Variants in RABGAP1L observed in about 807,000 individuals in gnomAD.
RABGAP1L encodes rab GTPase-activating protein 1-like.
A neutral mutation model predicts 137.7 loss-of-function variants in RABGAP1L; 63 were observed. The ratio of observed to expected loss-of-function variants is 0.46; its 90% CI spans 0.37 to 0.56. The LOEUF (loss-of-function observed/expected upper bound fraction) is 0.56, where lower values mean the gene tolerates loss of function less well. Ranked by LOEUF, RABGAP1L falls within the 20% of genes least tolerant of loss-of-function variation. RABGAP1L has a pLI of 0.00. For synonymous variants in RABGAP1L, 431 were observed against 433.7 expected (o/e 0.99, Z 0.08); for missense variants, 1,095 against 1,244.0 (o/e 0.88, Z 1.80).
intron 10 of RABGAP1L, among the ~76,000 whole-genome samples, chr1:174,300,129 A>G (rs1677529952): frequency 6.6e-6 from 1 of 152,222 alleles, no homozygotes; most frequent in African/African-American, 2.4e-5. Flanking sequence ...TAACCTAAAG[A>G]AGACAGAACA....
At chr1:174,171,993 T>G (rs1665433142) in intron 1 of RABGAP1L, among the ~76,000 whole-genome samples, 1 of 152,058 alleles carries the variant, frequency 6.6e-6, no homozygotes, top group South Asian at 2.1e-4. Flanking sequence ...AGAGTGAGAC[T>G]CCATCTAAAT....
chr1:174,482,672 T>G (rs1463779984), intron 13 of RABGAP1L, among the ~76,000 whole-genome samples: 2 of 152,148 alleles, frequency 1.3e-5, no homozygotes, highest in Non-Finnish European at 2.9e-5. Context: ...AGATGGGGTT[T>G]CATCATGTTG....
intron 13 of RABGAP1L, among the ~76,000 whole-genome samples, chr1:174,493,978 G>T (rs553972845): frequency 6.6e-6 from 1 of 152,008 alleles, no homozygotes; most frequent in East Asian, 1.9e-4. Context: ...TTTGGCAGTT[G>T]CCATTTTTCA....
At chr1:174,309,404 G>T (rs1384000307) in intron 11 of RABGAP1L, among the ~76,000 whole-genome samples, 2 of 151,990 alleles carry the variant, frequency 1.3e-5, no homozygotes, top group Non-Finnish European at 2.9e-5. Flanking sequence ...AATAGAAGTG[G>T]CAAGAATAGG....
At chr1:174,175,880 C>A (rs1017876299) in intron 1 of RABGAP1L, among the ~76,000 whole-genome samples, 3 of 152,104 alleles carry the variant, frequency 2.0e-5, no homozygotes, top group Admixed American at 6.5e-5. Flanking sequence ...CCTCCTTGGC[C>A]TCTCAGAGTG....
intron 19 of RABGAP1L, among the ~76,000 whole-genome samples, chr1:174,817,092 A>G (rs2148874277): frequency 6.6e-6 from 1 of 152,212 alleles, no homozygotes; most frequent in African/African-American, 2.4e-5. Context: ...TGTTCCAAGT[A>G]CCATATTTAC....
chr1:174,759,585 A>G (rs1414473691), intron 18 of RABGAP1L, among the ~76,000 whole-genome samples: 1 of 147,932 alleles, frequency 6.8e-6, no homozygotes, highest in Non-Finnish European at 1.5e-5. Flanking sequence ...ACAGAGTGAG[A>G]CTCTGTCTCC....
In RABGAP1L at chr1:174,842,993, C is replaced by G. The variant is rs527304648; in HGVS notation, c.2340+31033C>G. On this transcript the variant is annotated intron_variant, in intron 19 of 25. Transcript: ENST00000681986. ...CTATTTGTTTGTCAAAGCAAAAATT[C>G]CCAACATTTTGTAAACACCACTAAT... 3.0e-4 allele frequency among the ~76,000 whole-genome samples: 45 copies of G among 152,190 alleles called. 1 individual carries two copies. In the South Asian group the frequency reaches 9.3e-3, roughly 32 times the overall value.
chr1:174,780,988 G>T (rs1192511445), intron 18 of RABGAP1L, among the ~76,000 whole-genome samples: 6 of 151,890 alleles, frequency 4.0e-5, no homozygotes, highest in African/African-American at 1.5e-4. Context: ...ATTTGGGTTG[G>T]TTCCAAGTCT....
chr1:174,699,798 C>T, intron 16 of RABGAP1L, 148 bp downstream of exon 16: 2 of 720,204 alleles, frequency 2.8e-6, no homozygotes, highest in Non-Finnish European at 4.4e-6. Context: ...CCAATATCTA[C>T]ATTGGTCTAT....
rs142631443 is a variant in RABGAP1L, at chr1:174,817,540, A to T, written c.2340+5580A>T. 1.7e-3 allele frequency among the ~76,000 whole-genome samples: 261 copies of T among 152,260 alleles called. 1 individual carries two copies. Among genetic ancestry groups the T allele is most frequent in the African/African-American group, 6.1e-3 (252 of 41,540 alleles). ...GAGGGAGAGGCAGTTAGGGGAGTAG[A>T]TAGAGAAAAGACTAGAGAGGTAAGC... On this transcript the variant is annotated intron_variant, in intron 19 of 25. Transcript: ENST00000681986.
At chr1:174,625,844 G>A (rs1012744396) in intron 13 of RABGAP1L, among the ~76,000 whole-genome samples, 3 of 152,042 alleles carry the variant, frequency 2.0e-5, no homozygotes, top group Non-Finnish European at 4.4e-5. Context: ...TAGTTTTATC[G>A]AAGCACTCTT....
chr1:174,178,310 A>G (rs982995536), intron 1 of RABGAP1L, among the ~76,000 whole-genome samples: 1 of 152,150 alleles, frequency 6.6e-6, no homozygotes, highest in Non-Finnish European at 1.5e-5. Flanking sequence ...ATTTTTGCAC[A>G]TTGATTTTGT....
intron 19 of RABGAP1L, among the ~76,000 whole-genome samples, chr1:174,886,320 A>G (rs972142387): frequency 3.9e-5 from 6 of 152,192 alleles, no homozygotes; most frequent in Non-Finnish European, 7.3e-5. Flanking sequence ...CGAGAAACCA[A>G]TATTACATCA....
At chr1:174,516,166 C>CAT (rs1553319718) in intron 13 of RABGAP1L, among the ~76,000 whole-genome samples, 2,357 of 149,836 alleles carry the variant, frequency 0.016, 99 homozygotes, top group African/African-American at 0.055. Flanking sequence ...CACACACACA[C>CAT]GCTTTGAGAT....
At chr1:174,698,321 C>T (rs1022303196) in intron 15 of RABGAP1L, among the ~76,000 whole-genome samples, 1 of 152,124 alleles carries the variant, frequency 6.6e-6, no homozygotes, top group Non-Finnish European at 1.5e-5. Flanking sequence ...TGACTTCAGA[C>T]TTTATTCCCT....
rs186475503 is a variant in RABGAP1L at position 174,605,387 on chromosome 1, C to A, written c.1711-31988C>A. ...AGCAAAATGGCTTGAGCATCTCAAACACCTGTTGCCATGATCTTTGCTCTT... is the reference window on the plus strand; with the variant it reads ...AGCAAAATGGCTTGAGCATCTCAAAAACCTGTTGCCATGATCTTTGCTCTT... On this transcript the variant is annotated intron_variant, in intron 13 of 25. Transcript: ENST00000681986. Among the ~76,000 whole-genome samples, 550 of 152,298 alleles carry A rather than the reference C, an allele frequency of 3.6e-3. 4 individuals are homozygous for A. Among genetic ancestry groups the A allele is most frequent in the Non-Finnish European group, 3.2e-3 (218 of 68,028 alleles).
intron 12 of RABGAP1L, among the ~76,000 whole-genome samples, chr1:174,371,796 C>T (rs926300347): frequency 6.6e-6 from 1 of 152,028 alleles, no homozygotes; most frequent in East Asian, 1.9e-4. Context: ...AAAGTCTGGG[C>T]GGAATTTCAC....
Position 174,950,997 on chromosome 1 carries a change from G to GC in RABGAP1L, c.2341-6457dup, listed in dbSNP as rs1016984527. 7.2e-5 allele frequency among the ~76,000 whole-genome samples: 11 copies of GC among 152,226 alleles called. 1 individual carries two copies. Among genetic ancestry groups the GC allele is most frequent in the Admixed American group, 3.9e-4 (6 of 15,286 alleles). On this transcript the variant is annotated intron_variant, in intron 19 of 25. Transcript: ENST00000681986. ...GAATGATAGCTCTTACAAGTGACTG[G>GC]CCCAATGTTAAAACTGAGCACAGGA...
Sources: gnomAD v4.1 joint callset for allele counts (sites outside exome capture counted in the v4.1 genomes callset) on GRCh38, gnomAD v4.1.1 for gene constraint, MANE v1.5 for transcripts, NCBI Gene and HGNC (gene_info 2026-07-23, HGNC 2026-07-21) for gene names.